BIRC2: variants seen among roughly 807,000 people sequenced by gnomAD.
BIRC2 encodes baculoviral IAP repeat containing 2, also known as baculoviral IAP repeat-containing protein 2.
A neutral mutation model predicts 60.9 loss-of-function variants in BIRC2; 18 were observed. The observed-to-expected ratio is 0.30, with a 90% CI of 0.20 to 0.44. The LOEUF (loss-of-function observed/expected upper bound fraction) is 0.44. Among genes scored for constraint, BIRC2 ranks in the 20% least tolerant of loss-of-function variants. BIRC2 has a pLI of 1.00. For missense variants in BIRC2, 701 were observed against 728.5 expected (o/e 0.96, Z 0.43); for synonymous variants, 282 against 247.7 (o/e 1.14, Z -1.30).
At chr11:102,364,194 G>C (rs1262876679) in intron 5 of BIRC2, among the ~76,000 whole-genome samples, 98 of 127,404 alleles carry the variant, frequency 7.7e-4, no homozygotes, top group Middle Eastern at 7.7e-3. Flanking sequence ...CACAGAGAGA[G>C]AGAGAGAGAG....
chr11:102,374,844 G>C (rs1291653737), intron 6 of BIRC2, among the ~76,000 whole-genome samples: 2 of 152,248 alleles, frequency 1.3e-5, no homozygotes, highest in Non-Finnish European at 1.5e-5. Flanking sequence ...GACCCTCCGA[G>C]CCAGGTGTGG....
intron 5 of BIRC2, among the ~76,000 whole-genome samples, chr11:102,368,096 G>A (rs1951573942): frequency 6.6e-6 from 1 of 152,140 alleles, no homozygotes; most frequent in Non-Finnish European, 1.5e-5. Flanking sequence ...AGAGAGGTGG[G>A]TTTTGTAAAA....
rs377150456 is a variant in BIRC2, at chr11:102,368,507, G to A, written c.1325G>A (p.Arg442Lys). ...CTTCTTAATGCTGAAGATGAAAAAA[G>A]AGAAGAGGAGAAGGAAAAACAAGCT... ...SALLNAEDEKREEEKEKQAEE... is the reference protein window; with the variant it reads ...SALLNAEDEKKEEEKEKQAEE... The change falls in exon 6 of 9, where the codon AGA (arginine) becomes AAA (lysine). Residue 442 changes from arginine (R) to lysine (K), a missense_variant. Arg to Lys is a conservative substitution (Grantham distance 26, BLOSUM62 2). This residue lies in a region of BIRC2 where 235 missense variants were observed against 208.9 expected (regional missense o/e 1.12). Transcript: ENST00000227758. 2.0e-5 allele frequency: 33 copies of A among 1,613,616 alleles called. No homozygotes were observed. The African/African-American group carries it at 3.2e-4, about 16-fold the overall frequency.
rs1389968594 is a variant in BIRC2 at position 102,364,174 on chromosome 11, T to TATATATACAC, written c.1123+459_1123+460insTATATACACA. Among the ~76,000 whole-genome samples the TATATATACAC allele has an allele frequency of 1.1e-3, 88 of 78,064 alleles. 2 individuals are homozygous for TATATATACAC. The highest frequency in any genetic ancestry group is 9.7e-3 in the East Asian group (21 of 2,174). 51.2% of individuals were successfully genotyped at this position (78,064 alleles called of 152,430 possible). A position where few individuals can be genotyped will look rare whatever the true frequency, so the allele number is the denominator to read the frequency against. On this transcript the variant is annotated intron_variant, in intron 5 of 8. Coordinates refer to ENST00000227758, the MANE Select transcript of BIRC2 (RefSeq NM_001166.5). ...ATATATATATATATATATATATATA[T>TATATATACAC]ACACACACACACAGAGAGAGAGAGA...
intron 3 of BIRC2, among the ~76,000 whole-genome samples, chr11:102,359,659 C>A (rs1399088922): frequency 6.6e-6 from 1 of 152,208 alleles, no homozygotes; most frequent in East Asian, 1.9e-4. Context: ...AATATATCAT[C>A]CAACTCTCTC....
intron 5 of BIRC2, 82 bp downstream of exon 5, chr11:102,363,798 TGTA>T (rs1951512563): frequency 8.9e-7 from 1 of 1,126,026 alleles, no homozygotes; most frequent in East Asian, 2.6e-5. Flanking sequence ...GGCTCATGCC[TGTA>T]ATCCCAACAC....
At chr11:102,348,169 A>G (rs550806174) in intron 1 of BIRC2, 2 of 152,328 alleles carry the variant, frequency 1.3e-5, no homozygotes, top group East Asian at 3.9e-4. Flanking sequence ...TCGTGGAGAG[A>G]CTTGATATTA....
Position 102,350,124 on chromosome 11 carries a change from G to A in BIRC2, c.270G>A (p.Leu90=). ...KVKCFCCGLM[L]DNWKLGDSPI... The stretch of plus-strand genomic sequence containing the variant: ...AATGCTTCTGTTGTGGCCTGATGCT[G>A]GATAACTGGAAACTAGGAGACAGTC... Residue 90 remains leucine, a synonymous_variant, in exon 2 of 9, where the codon CTG becomes CTA. Coordinates refer to ENST00000227758, the MANE Select transcript of BIRC2 (RefSeq NM_001166.5). 1 of 1,614,164 alleles carries A rather than the reference G, an allele frequency of 6.2e-7. No homozygotes were observed. The highest frequency in any genetic ancestry group is 1.7e-5 in the Admixed American group (1 of 60,022).
intron 6 of BIRC2, among the ~76,000 whole-genome samples, chr11:102,372,953 G>A (rs915943050): frequency 6.6e-6 from 1 of 151,140 alleles, no homozygotes; most frequent in African/African-American, 2.4e-5. Flanking sequence ...ATCTTTGTTG[G>A]TTTAAAGTCC....
chr11:102,365,651 A>G (rs758015910), intron 5 of BIRC2, among the ~76,000 whole-genome samples: 7 of 152,276 alleles, frequency 4.6e-5, no homozygotes, highest in Middle Eastern at 3.4e-3. Context: ...ATCATGGCTC[A>G]CTGCAGCCTT....
chr11:102,369,988 C>A lies in BIRC2; in HGVS notation c.1366+1440C>A, dbSNP rs1055274194. ...CTTTTGAGAAGTGCCTGTTCATGTC[C>A]TTTGCCCACTTTTTGATGGGGTTGT... On this transcript the variant is annotated intron_variant, in intron 6 of 8. Transcript: ENST00000227758. 6.4e-4 allele frequency among the ~76,000 whole-genome samples: 97 copies of A among 152,272 alleles called. 1 individual carries two copies. The highest frequency in any genetic ancestry group is 1.8e-3 in the Admixed American group (27 of 15,298).
chr11:102,363,016 A>G, intron 4 of BIRC2, 42 bp downstream of exon 4: 2 of 1,399,596 alleles, frequency 1.4e-6, no homozygotes, highest in Non-Finnish European at 2.0e-6. Flanking sequence ...ATTCTGCTTT[A>G]TAATAACAAA....
At chr11:102,372,162 A>G (rs1316057045) in intron 6 of BIRC2, among the ~76,000 whole-genome samples, 4 of 151,692 alleles carry the variant, frequency 2.6e-5, no homozygotes, top group Non-Finnish European at 1.5e-5. Flanking sequence ...TTGTGTCTCT[A>G]TTTCCTTCAG....
chr11:102,374,025 C>G (rs1445834404), intron 6 of BIRC2, among the ~76,000 whole-genome samples: 10 of 140,810 alleles, frequency 7.1e-5, no homozygotes, highest in African/African-American at 2.4e-4. Flanking sequence ...CCATCAGCTC[C>G]TTTAAGCACT....
chr11:102,377,477 TTTTC>T lies in BIRC2; in HGVS notation c.1367-15_1367-12del, dbSNP rs749949125. 9 of 1,574,536 alleles carry T rather than the reference TTTTC, an allele frequency of 5.7e-6. No homozygotes were observed. The highest frequency in any genetic ancestry group is 7.7e-6 in the Non-Finnish European group (9 of 1,169,280). On this transcript the variant is annotated splice_polypyrimidine_tract_variant and intron_variant, in intron 6 of 8. Coordinates refer to ENST00000227758, the MANE Select transcript of BIRC2 (RefSeq NM_001166.5). ...GGAGTTTAAAATCTAATGGATTTCT[TTTTC>T]TTTTTTTAATGAAGATGATTTGTCA...
At chr11:102,368,704 A>G (rs1013713274) in intron 6 of BIRC2, among the ~76,000 whole-genome samples, 156 bp downstream of exon 6, 3 of 151,996 alleles carry the variant, frequency 2.0e-5, no homozygotes, top group Non-Finnish European at 2.9e-5. Context: ...ACCCCTTTCA[A>G]TTGCTTCTAG....
At chr11:102,364,702 A>G (rs1166747214) in intron 5 of BIRC2, among the ~76,000 whole-genome samples, 1 of 152,230 alleles carries the variant, frequency 6.6e-6, no homozygotes. Context: ...GACCAGAGAA[A>G]GGTGACCAAG....
chr11:102,363,217 A>C (rs1452480094), intron 4 of BIRC2, among the ~76,000 whole-genome samples: 1 of 152,136 alleles, frequency 6.6e-6, no homozygotes, highest in Admixed American at 6.5e-5. Flanking sequence ...TTGATTTTTG[A>C]GGGCTTTTTA....
At position 102,364,854 on chromosome 11, in the gene BIRC2, C is replaced by T. The variant is rs573870975; in HGVS notation, c.1123+1138C>T. ...GACAACTATCTCCCGTGTAATAGAC[C>T]TAGAAAAGATAGATAGCAGTGTGGG... On this transcript the variant is annotated intron_variant, in intron 5 of 8. Transcript: ENST00000227758. Among the ~76,000 whole-genome samples, 3 of 152,264 alleles carry T rather than the reference C, an allele frequency of 2.0e-5. No individual in the cohort carries two copies. In the South Asian group the frequency reaches 6.2e-4, roughly 32 times the overall value.
Sources: gnomAD v4.1 joint callset for allele counts (sites outside exome capture counted in the v4.1 genomes callset) on GRCh38, gnomAD v4.1.1 for gene constraint, gnomAD v4.1.1 regional missense constraint, MANE v1.5 for transcripts, NCBI Gene and HGNC (gene_info 2026-07-23, HGNC 2026-07-21) for gene names.